Variants in INSYN2A observed in about 807,000 individuals in gnomAD.
INSYN2A encodes the protein inhibitory synaptic factor 2A.
INSYN2A carries 17 observed loss-of-function variants against 39.4 expected under a neutral mutation model. The observed-to-expected ratio is 0.43, with a 90% confidence interval of 0.30 to 0.65. The LOEUF is 0.65. Among genes scored for constraint, INSYN2A ranks in the 30% least tolerant of loss-of-function variants. The pLI is 0.14. For synonymous variants in INSYN2A, 255 were observed against 265.7 expected, an observed-to-expected ratio of 0.96 and a Z score of 0.39; for missense variants, 595 against 631.2, an observed-to-expected ratio of 0.94 and a Z score of 0.61.
At chr10:127,167,225 C>T (rs1161112986) in intron 4 of INSYN2A, among the ~76,000 whole-genome samples, 1 of 151,946 alleles carries the variant, frequency 6.6e-6, no homozygotes, top group Non-Finnish European at 1.5e-5. Flanking sequence ...AATGTGCTTC[C>T]CATTTCAAAA....
At chr10:127,146,201 G>A (rs2051835294) in intron 5 of INSYN2A, 10 of 303,288 alleles carry the variant, frequency 3.3e-5, no homozygotes, top group South Asian at 2.5e-4. Context: ...CTTTGACCTT[G>A]GGGTATAACC....
chr10:127,168,630 C>A (rs1263280706), intron 4 of INSYN2A, among the ~76,000 whole-genome samples: 1 of 152,212 alleles, frequency 6.6e-6, no homozygotes, highest in Non-Finnish European at 1.5e-5. Flanking sequence ...AGACTTTGAT[C>A]TCTATTAAGT....
chr10:127,166,734 T>C (rs1245687751), intron 4 of INSYN2A, among the ~76,000 whole-genome samples: 1 of 152,216 alleles, frequency 6.6e-6, no homozygotes, highest in Non-Finnish European at 1.5e-5. Context: ...AGGAATTGCA[T>C]GGAGTTTTTA....
Position 127,176,545 on chromosome 10 carries a change from A to G in INSYN2A, c.-5-145T>C. 1 of 661,356 alleles carries G rather than the reference A, an allele frequency of 1.5e-6. No homozygotes were observed. The highest frequency in any genetic ancestry group is 2.5e-6 in the Non-Finnish European group (1 of 394,224). 41.0% of individuals were successfully genotyped at this position (661,356 alleles called of 1,614,324 possible). A position where few individuals can be genotyped will look rare whatever the true frequency, so the allele number is the denominator to read the frequency against. ...GAGGTCGGCCTTTATGTTAAGGAAA[A>G]TCACACGGGCTGAGAGTCGCTGGCA... is the stretch of plus-strand genomic sequence containing the variant. On this transcript the variant is annotated intron_variant, in intron 3 of 5. Coordinates refer to ENST00000522781, the MANE Select transcript of INSYN2A (RefSeq NM_001039762.3). This position sits in a 1 kb window ranked among gnomAD's most constrained non-coding sequence, Gnocchi z 4.4.
At chr10:127,194,622 G>A (rs1229918743) in intron 1 of INSYN2A, among the ~76,000 whole-genome samples, 1 of 152,130 alleles carries the variant, frequency 6.6e-6, no homozygotes, top group Non-Finnish European at 1.5e-5. Flanking sequence ...CTTGTGAGTG[G>A]TATTTTTTCA....
chr10:127,187,438 CCT>C (rs1237407801), intron 2 of INSYN2A, among the ~76,000 whole-genome samples: 4 of 152,174 alleles, frequency 2.6e-5, no homozygotes, highest in African/African-American at 9.7e-5. Flanking sequence ...CTTTCCAAAA[CCT>C]CACATGACCC....
chr10:127,169,108 T>C (rs3813862), intron 4 of INSYN2A, among the ~76,000 whole-genome samples: 50,481 of 152,026 alleles, frequency 0.33, 8,774 homozygotes, highest in African/African-American at 0.42. Context: ...GCTTTTTATT[T>C]CTGCTGCTGG....
chr10:127,188,346 G>T (rs551103243), intron 2 of INSYN2A, among the ~76,000 whole-genome samples: 23 of 152,316 alleles, frequency 1.5e-4, no homozygotes, highest in African/African-American at 5.5e-4. Flanking sequence ...TTGTCACTGA[G>T]CAGACCCATA....
intron 4 of INSYN2A, among the ~76,000 whole-genome samples, chr10:127,161,748 A>G (rs1021493609): frequency 6.6e-6 from 1 of 152,094 alleles, no homozygotes; most frequent in East Asian, 1.9e-4. Context: ...CTGCCAGAAC[A>G]CCTGTCTTGC....
In INSYN2A at chr10:127,157,872, A is replaced by G. The variant is rs117558066; in HGVS notation, c.1185-3949T>C. Among the ~76,000 whole-genome samples the G allele has an allele frequency of 7.5e-3, 1,143 of 152,346 alleles. 3 individuals carry two copies. Among genetic ancestry groups the G allele is most frequent in the Middle Eastern group, 0.014 (4 of 294 alleles). On this transcript the variant is annotated intron_variant, in intron 4 of 5. Coordinates refer to ENST00000522781, the MANE Select transcript of INSYN2A (RefSeq NM_001039762.3). The stretch of plus-strand genomic sequence containing the variant: ...GGAGATTAATTTGTGAATAAAATTT[A>G]AAGTGTTGACCTTGTCATGTGGTTA...
At chr10:127,170,272 C>G (rs557303984) in intron 4 of INSYN2A, among the ~76,000 whole-genome samples, 2 of 152,104 alleles carry the variant, frequency 1.3e-5, no homozygotes, top group East Asian at 3.9e-4. Flanking sequence ...CACAAAGCCC[C>G]GAAGCCTCAG....
Position 127,135,979 on chromosome 10 carries a change from C to G in INSYN2A, c.*1858G>C, listed in dbSNP as rs2050657498. 6.6e-6 allele frequency: 1 copy of G among 152,622 alleles called. No individual in the cohort carries two copies. The highest frequency in any genetic ancestry group is 6.5e-5 in the Admixed American group (1 of 15,282). 9.5% of individuals were successfully genotyped at this position (152,622 alleles called of 1,614,324 possible). A position where few individuals can be genotyped will look rare whatever the true frequency, so the allele number is the denominator to read the frequency against. On this transcript the variant is annotated 3_prime_UTR_variant, in exon 6 of 6. Transcript: ENST00000522781. The stretch of plus-strand genomic sequence containing the variant: ...TTTTAAATATTTAGTCTACGTGAAA[C>G]AGTTACACTTCCTTCATGTTACAGG...
intron 2 of INSYN2A, among the ~76,000 whole-genome samples, chr10:127,177,550 CG>C (rs2055283665): frequency 6.6e-6 from 1 of 152,196 alleles, no homozygotes; most frequent in African/African-American, 2.4e-5. Context: ...TGAGGGTGTA[CG>C]GGGCCCGAGT....
At chr10:127,190,538 A>C (rs866989998) in intron 2 of INSYN2A, among the ~76,000 whole-genome samples, 2 of 151,322 alleles carry the variant, frequency 1.3e-5, no homozygotes, top group African/African-American at 4.9e-5. Flanking sequence ...CGCTTCATCC[A>C]ATTTCCTCCT....
At chr10:127,170,469 C>T (rs541533200) in intron 4 of INSYN2A, among the ~76,000 whole-genome samples, 125 of 152,336 alleles carry the variant, frequency 8.2e-4, no homozygotes, top group Middle Eastern at 3.4e-3. Flanking sequence ...AAGCTTCTCA[C>T]GATCATTTCT....
intron 2 of INSYN2A, among the ~76,000 whole-genome samples, chr10:127,181,176 A>G (rs920414995): frequency 2.0e-5 from 3 of 152,240 alleles, no homozygotes; most frequent in Non-Finnish European, 4.4e-5. Context: ...ATATGTATGT[A>G]TATATGCATA....
intron 5 of INSYN2A, chr10:127,146,054 G>A (rs1373763799): frequency 1.2e-5 from 6 of 518,240 alleles, no homozygotes; most frequent in Admixed American, 5.8e-5. Flanking sequence ...CCTAGACATC[G>A]TGGCCAGGAC....
intron 5 of INSYN2A, chr10:127,146,176 T>TA (rs1297404358): frequency 2.8e-6 from 1 of 357,960 alleles, no homozygotes; most frequent in Non-Finnish European, 5.5e-6. Context: ...TGGACATTGG[T>TA]AAATGCCTCC....
intron 4 of INSYN2A, among the ~76,000 whole-genome samples, chr10:127,158,355 A>C (rs2133609302): frequency 6.6e-6 from 1 of 152,334 alleles, no homozygotes; most frequent in African/African-American, 2.4e-5. Context: ...GTAGATTAGA[A>C]GTTTAGAGAG....
Sources: gnomAD v4.1 joint callset for allele counts (sites outside exome capture counted in the v4.1 genomes callset) on GRCh38, gnomAD v4.1.1 for gene constraint, Gnocchi (gnomAD v3.1) non-coding constraint, MANE v1.5 for transcripts, NCBI Gene and HGNC (gene_info 2026-07-23, HGNC 2026-07-21) for gene names.